The following SDC2 variants were observed in gnomAD, a reference collection of about 807,000 sequenced individuals.
SDC2 encodes syndecan-2.
A neutral mutation model predicts 22.2 loss-of-function variants in SDC2; 13 were observed. That is an observed-to-expected ratio of 0.59 (90% CI 0.38 to 0.93). The LOEUF (loss-of-function observed/expected upper bound fraction) is 0.93, where lower values mean the gene tolerates loss of function less well. SDC2 is among the 40% of genes least tolerant of loss of function. The pLI is 0.00. For missense variants in SDC2, 235 were observed against 246.8 expected, an observed-to-expected ratio of 0.95 and a Z score of 0.32; for synonymous variants, 94 against 92.8, an observed-to-expected ratio of 1.01 and a Z score of -0.07.
chr8:96,579,508 T>G (rs1436022315), intron 1 of SDC2, among the ~76,000 whole-genome samples: 2 of 152,240 alleles, frequency 1.3e-5, no homozygotes, highest in Non-Finnish European at 2.9e-5. Context: ...GGAAGTTCAG[T>G]CAGGATGTGA....
intron 1 of SDC2, among the ~76,000 whole-genome samples, chr8:96,580,922 G>C (rs1465011097): frequency 1.3e-5 from 2 of 152,090 alleles, no homozygotes; most frequent in Non-Finnish European, 2.9e-5. Flanking sequence ...GCACCCCTGG[G>C]TGCCAAATCC....
intron 3 of SDC2, among the ~76,000 whole-genome samples, chr8:96,605,399 C>G (rs1274931509): frequency 3.9e-5 from 6 of 152,184 alleles, no homozygotes; most frequent in Non-Finnish European, 7.3e-5. Flanking sequence ...CCCAGATAAT[C>G]CATTCTCTGA....
At chr8:96,598,416 G>A (rs1814917989) in intron 2 of SDC2, among the ~76,000 whole-genome samples, 2 of 152,144 alleles carry the variant, frequency 1.3e-5, no homozygotes, top group South Asian at 4.1e-4. Context: ...GAGGTCAGGA[G>A]TTCGAGAACA....
At chr8:96,569,167 C>A (rs1030900418) in intron 1 of SDC2, among the ~76,000 whole-genome samples, 6 of 152,124 alleles carry the variant, frequency 3.9e-5, no homozygotes, top group African/African-American at 1.4e-4. Flanking sequence ...ACCAACACGT[C>A]CGGATAATTT....
At chr8:96,575,029 G>A (rs1814463371) in intron 1 of SDC2, among the ~76,000 whole-genome samples, 1 of 152,144 alleles carries the variant, frequency 6.6e-6, no homozygotes, top group Admixed American at 6.5e-5. Context: ...ATCTAATGCC[G>A]CCACTGATCT....
chr8:96,558,180 T>G (rs1465984466), intron 1 of SDC2, among the ~76,000 whole-genome samples: 1 of 152,060 alleles, frequency 6.6e-6, no homozygotes, highest in African/African-American at 2.4e-5. Context: ...GACATGCTGC[T>G]TTTCTGGTGA....
In SDC2 at chr8:96,610,460, C is replaced by G. The variant is rs1413096631; in HGVS notation, c.*912C>G. On this transcript the variant is annotated 3_prime_UTR_variant, in exon 5 of 5. Coordinates refer to ENST00000302190, the MANE Select transcript of SDC2 (RefSeq NM_002998.4). ...GTCTTTTTAAGCCTTTGAAGTGCCT[C>G]TGATTCTATGTAACTTGTTGCAGAC... 2 of 152,514 alleles carry G rather than the reference C, an allele frequency of 1.3e-5. No homozygotes were observed. The highest frequency in any genetic ancestry group is 2.9e-5 in the Non-Finnish European group (2 of 68,020). 9.4% of individuals were successfully genotyped at this position (152,514 alleles called of 1,614,324 possible).
intron 1 of SDC2, among the ~76,000 whole-genome samples, chr8:96,541,635 C>G (rs1161601758): frequency 6.6e-6 from 1 of 151,958 alleles, no homozygotes. Flanking sequence ...TATGAGGTAC[C>G]TAGAGTAGTC....
chr8:96,608,249 A>T (rs1815115875), intron 3 of SDC2, 86 bp from the exon 4 acceptor site: 2 of 1,371,110 alleles, frequency 1.5e-6, no homozygotes, highest in African/African-American at 1.5e-5. Context: ...GGGGAAAAAA[A>T]AATTTTGGAA....
chr8:96,573,919 C>T (rs938702228), intron 1 of SDC2, among the ~76,000 whole-genome samples: 3 of 152,052 alleles, frequency 2.0e-5, no homozygotes, highest in Admixed American at 6.6e-5. Flanking sequence ...ACACACCCTA[C>T]CCTTTATCAC....
Position 96,560,796 on chromosome 8 carries a change from AG to A in SDC2, c.61-32683del, listed in dbSNP as rs1814196363. On this transcript the variant is annotated intron_variant, in intron 1 of 4. Coordinates refer to ENST00000302190, the MANE Select transcript of SDC2 (RefSeq NM_002998.4). The stretch of plus-strand genomic sequence containing the variant: ...TTACACAGTCCCTAATACCAGGTTA[AG>A]AGCCCCTTTATCTAAAAAGAGAGAT... Among the ~76,000 whole-genome samples the A allele has an allele frequency of 5.3e-5, 8 of 152,160 alleles. No individual in the cohort carries two copies. In the South Asian group the frequency reaches 1.2e-3, roughly 24 times the overall value.
At position 96,608,340 on chromosome 8, in the gene SDC2, T is replaced by A. The variant is rs1310447789; in HGVS notation, c.312T>A (p.Pro104=). Residue 104 remains proline (P), a synonymous_variant, in exon 4 of 5, where the codon CCT becomes CCA. Transcript: ENST00000302190. The stretch of plus-strand genomic sequence containing the variant: ...TTCCCTGTTTCCCATACCAGTCACC[T>A]GAAGAAACTGATAAAGAGAAAGTTC... ...QNKIPAQTKS[P]EETDKEKVHL... 1 of 1,612,688 alleles carries A rather than the reference T, an allele frequency of 6.2e-7. No individual in the cohort carries two copies. The highest frequency in any genetic ancestry group is 8.5e-7 in the Non-Finnish European group (1 of 1,179,344).
intron 1 of SDC2, among the ~76,000 whole-genome samples, chr8:96,532,831 A>T (rs1033129680): frequency 6.6e-5 from 10 of 152,124 alleles, no homozygotes; most frequent in Non-Finnish European, 1.5e-4. Flanking sequence ...AAGCTGGTGT[A>T]AGAGACTAGC....
At chr8:96,509,150 T>C (rs1224972660) in intron 1 of SDC2, among the ~76,000 whole-genome samples, 1 of 142,216 alleles carries the variant, frequency 7.0e-6, no homozygotes, top group Non-Finnish European at 1.6e-5. Flanking sequence ...GGCAGGTGAT[T>C]TAACCTCTCT....
At chr8:96,531,233 T>A (rs1190463459) in intron 1 of SDC2, among the ~76,000 whole-genome samples, 1 of 152,248 alleles carries the variant, frequency 6.6e-6, no homozygotes, top group Non-Finnish European at 1.5e-5. Context: ...ATAAATAGAA[T>A]TTGAGCATTT....
At chr8:96,536,738 C>T (rs1813761002) in intron 1 of SDC2, among the ~76,000 whole-genome samples, 1 of 152,180 alleles carries the variant, frequency 6.6e-6, no homozygotes, top group African/African-American at 2.4e-5. Flanking sequence ...TGTGTGCTGT[C>T]ATCATAGGTA....
At chr8:96,593,873 C>G (rs1235488308) in intron 2 of SDC2, among the ~76,000 whole-genome samples, 1 of 152,166 alleles carries the variant, frequency 6.6e-6, no homozygotes, top group Non-Finnish European at 1.5e-5. Context: ...GTTGACACAT[C>G]TAAAGCTCTT....
At chr8:96,593,434 T>A (rs1485263141) in intron 1 of SDC2, 46 bp from the exon 2 acceptor site, 1 of 1,306,190 alleles carries the variant, frequency 7.7e-7, no homozygotes, top group Non-Finnish European at 1.1e-6. Flanking sequence ...ACAAGTGTGT[T>A]TCTTAATCTC....
chr8:96,526,887 G>A (rs544255610), intron 1 of SDC2, among the ~76,000 whole-genome samples: 3 of 152,264 alleles, frequency 2.0e-5, no homozygotes, highest in East Asian at 1.9e-4. Flanking sequence ...GGGGAGTTAC[G>A]GAGGCTGGCC....
Sources: allele counts gnomAD v4.1 joint callset (sites outside exome capture counted in the v4.1 genomes callset), GRCh38; gene constraint gnomAD v4.1.1; transcripts MANE v1.5; gene names NCBI Gene and HGNC (gene_info 2026-07-23, HGNC 2026-07-21).